ARHGAP6: variants seen among roughly 807,000 people sequenced by gnomAD.
The protein encoded by ARHGAP6 is Rho GTPase activating protein 6.
ARHGAP6 carries 16 observed loss-of-function variants against 55.7 expected under a neutral mutation model. The ratio of observed to expected loss-of-function variants is 0.29; its 90% confidence interval spans 0.19 to 0.44. The LOEUF (loss-of-function observed/expected upper bound fraction) is 0.44. Ranked by LOEUF, ARHGAP6 falls within the 20% of genes least tolerant of loss-of-function variation. The pLI is 1.00. For missense variants in ARHGAP6, 698 were observed against 808.9 expected (o/e 0.86, Z 1.66); for synonymous variants, 382 against 360.9 (o/e 1.06, Z -0.66).
Position 11,139,133 on chromosome X carries a change from C to G in ARHGAP6, c.2655G>C (p.Pro885=), listed in dbSNP as rs368856378. The G allele has an allele frequency of 8.3e-7, 1 of 1,205,611 alleles. No individual in the cohort carries two copies. Among genetic ancestry groups the G allele is most frequent in the African/African-American group, 1.7e-5 (1 of 57,853 alleles). The change falls in exon 13 of 13, where the codon CCG becomes CCC. Residue 885 remains proline, a synonymous_variant. Coordinates refer to ENST00000337414, the MANE Select transcript of ARHGAP6 (RefSeq NM_013427.3). Reference sequence around the variant, plus strand: ...CCGCTGCCGCGGGCTTCCCTGGGCCCGGGTATGGAGGCGGGGGCCGCTTGT... The same window carrying G: ...CCGCTGCCGCGGGCTTCCCTGGGCCGGGGTATGGAGGCGGGGGCCGCTTGT... ...RDDKRPPPPY[P]GPGKPAAAAA... is the part of the protein sequence containing the mutation.
At chrX:11,246,571 T>C (rs1349568490) in intron 2 of ARHGAP6, among the ~76,000 whole-genome samples, 1 of 112,114 alleles carries the variant, frequency 8.9e-6, no homozygotes, top group Non-Finnish European at 1.9e-5. Flanking sequence ...GTACAGATGA[T>C]GTTCCAGATC....
Position 11,169,513 on chromosome X carries a change from G to A in ARHGAP6, c.1801C>T (p.Leu601=), listed in dbSNP as rs768390064. 1.7e-6 allele frequency: 2 copies of A among 1,195,029 alleles called. No homozygotes were observed. Among genetic ancestry groups the A allele is most frequent in the Non-Finnish European group, 2.3e-6 (2 of 888,035 alleles). ...VQKMIENYEA[L]FMVPPDLQNE... ...ACAGAAGGGCCACCTACCATGAACA[G>A]GGCTTCATAATTTTCAATCATCTTT... Residue 601 remains leucine, a synonymous_variant, in exon 9 of 13, where the codon CTG becomes TTG. Coordinates refer to ENST00000337414, the MANE Select transcript of ARHGAP6 (RefSeq NM_013427.3).
intron 1 of ARHGAP6, among the ~76,000 whole-genome samples, chrX:11,372,771 C>CA (rs1171647934): frequency 0.056 from 798 of 14,232 alleles, 66 homozygotes; most frequent in African/African-American, 0.082. Flanking sequence ...GACTCCATCT[C>CA]AAAAAAAAAA....
intron 1 of ARHGAP6, among the ~76,000 whole-genome samples, chrX:11,270,701 C>T (rs1042191599): frequency 4.5e-5 from 5 of 111,450 alleles, no homozygotes; most frequent in Non-Finnish European, 9.4e-5. Context: ...ACAATGTAAC[C>T]GGTAAACGGA....
chrX:11,491,051 T>C (rs146859269), intron 1 of ARHGAP6, among the ~76,000 whole-genome samples: 7,910 of 111,639 alleles, frequency 0.071, 333 homozygotes, highest in East Asian at 0.18. Context: ...CTGAGGAATG[T>C]CAACAGTGTA....
chrX:11,628,859 T>G (rs1601711652), intron 1 of ARHGAP6, among the ~76,000 whole-genome samples: 1 of 112,702 alleles, frequency 8.9e-6, no homozygotes, highest in Middle Eastern at 4.6e-3. Flanking sequence ...GTCTTGTTAT[T>G]AGCAGAAAAT....
rs760527975 is a variant in ARHGAP6 at position 11,664,475 on chromosome X, A to G, written c.354T>C (p.Phe118=). 1.8e-4 allele frequency: 219 copies of G among 1,209,121 alleles called. No homozygotes were observed. Among genetic ancestry groups the G allele is most frequent in the Non-Finnish European group, 2.3e-4 (205 of 894,369 alleles). The change falls in exon 1 of 13, where the codon TTT becomes TTC. Residue 118 remains phenylalanine (F), a synonymous_variant. Transcript: ENST00000337414. ...TPQEKSPSGS[F]HFDYEVPLGR... ...CCAGGGGAACCTCATAGTCAAAGTG[A>G]AAGCTGCCGGATGGTGACTTCTCCT... is the stretch of plus-strand genomic sequence containing the variant.
intron 1 of ARHGAP6, among the ~76,000 whole-genome samples, chrX:11,390,276 A>G (rs1301019341): frequency 9.0e-6 from 1 of 111,130 alleles, no homozygotes; most frequent in Non-Finnish European, 1.9e-5. Context: ...GTTCTGTTCC[A>G]TTGGTCTATA....
At chrX:11,387,992 T>G (rs937012400) in intron 1 of ARHGAP6, among the ~76,000 whole-genome samples, 1 of 112,141 alleles carries the variant, frequency 8.9e-6, no homozygotes, top group Non-Finnish European at 1.9e-5. Flanking sequence ...TTTGCTATTG[T>G]GAATAGTGCT....
chrX:11,168,522 A>AATT (rs749608878), intron 9 of ARHGAP6, among the ~76,000 whole-genome samples: 1 of 112,313 alleles, frequency 8.9e-6, no homozygotes, highest in African/African-American at 3.2e-5. Flanking sequence ...TACAAAAAGT[A>AATT]ATTAGTATAA....
intron 1 of ARHGAP6, among the ~76,000 whole-genome samples, chrX:11,281,399 A>T (rs757781025): frequency 9.1e-6 from 1 of 110,052 alleles, no homozygotes; most frequent in East Asian, 2.8e-4. Flanking sequence ...CATGTGTATT[A>T]TAATCTACCA....
intron 3 of ARHGAP6, among the ~76,000 whole-genome samples, chrX:11,192,782 GT>G (rs1172936917): frequency 9.0e-6 from 1 of 111,626 alleles, no homozygotes; most frequent in East Asian, 2.8e-4. Flanking sequence ...CCTGGCAGGG[GT>G]TGTGGGGGGT....
At chrX:11,566,772 A>G (rs960759621) in intron 1 of ARHGAP6, among the ~76,000 whole-genome samples, 2 of 112,387 alleles carry the variant, frequency 1.8e-5, no homozygotes, top group South Asian at 3.7e-4. Flanking sequence ...AAGTAAGTTA[A>G]GGCCATGAGA....
At chrX:11,335,686 G>T in intron 1 of ARHGAP6, 1 of 307,838 alleles carries the variant, frequency 3.2e-6, no homozygotes, top group Non-Finnish European at 6.2e-6. Flanking sequence ...TAATCTAACT[G>T]GGTCTCTTAT....
chrX:11,628,984 C>CGT (rs55999982), intron 1 of ARHGAP6, among the ~76,000 whole-genome samples: 11,530 of 101,303 alleles, frequency 0.11, 566 homozygotes, highest in Admixed American at 0.17. Flanking sequence ...GCTTCAGATA[C>CGT]GTGTGTGTGT....
intron 2 of ARHGAP6, among the ~76,000 whole-genome samples, chrX:11,209,009 C>T (rs1219626632): frequency 8.9e-6 from 1 of 111,886 alleles, no homozygotes; most frequent in Non-Finnish European, 1.9e-5. Context: ...GAAGGGAAGA[C>T]CAACTATGTA....
At chrX:11,442,215 C>T (rs191275197) in intron 1 of ARHGAP6, among the ~76,000 whole-genome samples, 1 of 109,246 alleles carries the variant, frequency 9.2e-6, no homozygotes, top group Non-Finnish European at 1.9e-5. Context: ...AACTCCCCAC[C>T]GGCATCAATG....
At chrX:11,327,278 A>C (rs1047647043) in intron 1 of ARHGAP6, among the ~76,000 whole-genome samples, 1 of 112,583 alleles carries the variant, frequency 8.9e-6, no homozygotes, top group Non-Finnish European at 1.9e-5. Flanking sequence ...GCTAAGAAAG[A>C]AAAGAAAATC....
At chrX:11,378,966 C>A (rs2049232836) in intron 1 of ARHGAP6, among the ~76,000 whole-genome samples, 1 of 112,479 alleles carries the variant, frequency 8.9e-6, no homozygotes, top group South Asian at 3.7e-4. Context: ...TTGGAAAATT[C>A]TTTTCTTCTC....
Sources: gnomAD v4.1 joint callset for allele counts (sites outside exome capture counted in the v4.1 genomes callset) on GRCh38, gnomAD v4.1.1 for gene constraint, MANE v1.5 for transcripts, NCBI Gene and HGNC (gene_info 2026-07-23, HGNC 2026-07-21) for gene names.